PLCG2: variants seen among roughly 807,000 people sequenced by gnomAD.
PLCG2 encodes phospholipase C gamma 2.
PLCG2 carries 69 observed loss-of-function variants against 175.6 expected under a neutral mutation model. The observed-to-expected ratio is 0.39, with a 90% CI of 0.32 to 0.48. The LOEUF is 0.48. Ranked by LOEUF, PLCG2 falls within the 20% of genes least tolerant of loss-of-function variation. PLCG2 has a pLI of 0.91. For synonymous variants in PLCG2, 827 were observed against 624.0 expected (o/e 1.33, Z -4.85); for missense variants, 1,798 against 1,650.9 (o/e 1.09, Z -1.54).
chr16:81,800,371 C>T (rs905249956), intron 2 of PLCG2, among the ~76,000 whole-genome samples: 3 of 152,148 alleles, frequency 2.0e-5, no homozygotes, highest in Non-Finnish European at 4.4e-5. Context: ...CATCCTTACC[C>T]TGCTCCCCAA....
intron 7 of PLCG2, among the ~76,000 whole-genome samples, chr16:81,879,837 T>G (rs1479593228): frequency 2.6e-5 from 4 of 152,110 alleles, no homozygotes; most frequent in Non-Finnish European, 5.9e-5. Context: ...CCCCCCTTGG[T>G]GGAAGAGCCT....
intron 2 of PLCG2, among the ~76,000 whole-genome samples, chr16:81,768,358 G>A (rs1373194382): frequency 1.3e-5 from 2 of 152,144 alleles, no homozygotes; most frequent in Non-Finnish European, 2.9e-5. Context: ...TGAAACTACT[G>A]TAAACATTAG....
rs1220729817 is a variant in PLCG2 at position 81,903,310 on chromosome 16, G to T, written c.1363-2093G>T. On this transcript the variant is annotated intron_variant, in intron 14 of 32. Transcript: ENST00000564138. ...CTTATGTTCCAGGAAGTCGTGGTTTGGTAGGGAGACAAACCCGTCAACAGA... is the reference window on the plus strand; with the variant it reads ...CTTATGTTCCAGGAAGTCGTGGTTTTGTAGGGAGACAAACCCGTCAACAGA... Among the ~76,000 whole-genome samples, 3 of 152,242 alleles carry T rather than the reference G, an allele frequency of 2.0e-5. No individual in the cohort carries two copies. In the East Asian group the frequency reaches 5.8e-4, roughly 29 times the overall value.
At chr16:81,822,249 G>A (rs1904831293) in intron 2 of PLCG2, among the ~76,000 whole-genome samples, 1 of 152,150 alleles carries the variant, frequency 6.6e-6, no homozygotes, top group African/African-American at 2.4e-5. Flanking sequence ...CTCCTCCTCT[G>A]CAGATCAGTG....
chr16:81,954,407 C>T lies in PLCG2; in HGVS notation c.3571-2288C>T, dbSNP rs530310738. On this transcript the variant is annotated intron_variant, in intron 31 of 32. Coordinates refer to ENST00000564138, the MANE Select transcript of PLCG2 (RefSeq NM_002661.5). Reference sequence around the variant, plus strand: ...TAAGTTCCAGGATACAAGTGCAGGACGTGTAGGTTTGTTACATAGGTATAC... The same window carrying T: ...TAAGTTCCAGGATACAAGTGCAGGATGTGTAGGTTTGTTACATAGGTATAC... Among the ~76,000 whole-genome samples the T allele has an allele frequency of 8.5e-5, 13 of 152,248 alleles. No individual in the cohort carries two copies. In the South Asian group the frequency reaches 1.9e-3, roughly 22 times the overall value.
At chr16:81,918,015 G>T (rs1191145995) in intron 19 of PLCG2, among the ~76,000 whole-genome samples, 2 of 152,256 alleles carry the variant, frequency 1.3e-5, no homozygotes, top group Non-Finnish European at 2.9e-5. Context: ...GAGCCACCAC[G>T]CCCGGCCTTT....
In PLCG2 at chr16:81,900,593, C is replaced by T. The variant is rs1409913130; in HGVS notation, c.1194-19C>T. On this transcript the variant is annotated intron_variant, in intron 13 of 32. Coordinates refer to ENST00000564138, the MANE Select transcript of PLCG2 (RefSeq NM_002661.5). ...TGTGTGCTCCCCCTGCCGAGCTGCC[C>T]ACCCTCTTCTGCCTGCAGCTTCCCA... The T allele has an allele frequency of 2.5e-6, 4 of 1,578,836 alleles. No individual in the cohort carries two copies. Among genetic ancestry groups the T allele is most frequent in the East Asian group, 4.6e-5 (2 of 43,912 alleles).
chr16:81,894,101 C>T (rs1157606517), intron 12 of PLCG2, among the ~76,000 whole-genome samples: 1 of 151,838 alleles, frequency 6.6e-6, no homozygotes, highest in African/African-American at 2.4e-5. Context: ...TACCGCGTAT[C>T]ACCTGGATTG....
At chr16:81,880,873 C>T (rs770855062) in intron 7 of PLCG2, 37 bp from the exon 8 acceptor site, 1 of 1,608,930 alleles carries the variant, frequency 6.2e-7, no homozygotes, top group Non-Finnish European at 8.5e-7. Flanking sequence ...AGTGACTTGT[C>T]TAAGGTTCTT....
chr16:81,909,644 G>C lies in PLCG2; in HGVS notation c.1734-876G>C, dbSNP rs78891211. 4.3e-3 allele frequency among the ~76,000 whole-genome samples: 662 copies of C among 152,268 alleles called. 2 individuals carry two copies. Among genetic ancestry groups the C allele is most frequent in the African/African-American group, 0.015 (622 of 41,550 alleles). On this transcript the variant is annotated intron_variant, in intron 17 of 32. Coordinates refer to ENST00000564138, the MANE Select transcript of PLCG2 (RefSeq NM_002661.5). ...GTTGCCCAGGCTGGTTTTGAACTCA[G>C]CTCAAGCAATCCTCTGGCTTCGGCC...
At chr16:81,865,351 C>G (rs1179766092) in intron 5 of PLCG2, among the ~76,000 whole-genome samples, 1 of 151,934 alleles carries the variant, frequency 6.6e-6, no homozygotes, top group Non-Finnish European at 1.5e-5. Flanking sequence ...CTGTGCAGCA[C>G]GACACACACA....
intron 19 of PLCG2, among the ~76,000 whole-genome samples, chr16:81,917,349 A>G (rs28880295): frequency 0.046 from 6,988 of 151,668 alleles, 159 homozygotes; most frequent in African/African-American, 0.062. Flanking sequence ...GAATGGTGCT[A>G]TGAACATGGG....
At chr16:81,900,418 G>C (rs776613843) in intron 13 of PLCG2, among the ~76,000 whole-genome samples, 194 bp from the exon 14 acceptor site, 4 of 152,378 alleles carry the variant, frequency 2.6e-5, no homozygotes, top group South Asian at 2.1e-4. Flanking sequence ...GATCGCAGCT[G>C]TTCTGAGTCC....
chr16:81,873,814 G>T (rs1907636195), intron 7 of PLCG2, among the ~76,000 whole-genome samples: 1 of 152,144 alleles, frequency 6.6e-6, no homozygotes, highest in South Asian at 2.1e-4. Context: ...CACAAAAGCT[G>T]TTTCACCTGC....
At chr16:81,905,161 A>G (rs1420482440) in intron 14 of PLCG2, among the ~76,000 whole-genome samples, 1 of 152,374 alleles carries the variant, frequency 6.6e-6, no homozygotes, top group East Asian at 1.9e-4. Flanking sequence ...TGCTGGGCTT[A>G]TAGGTGTGAG....
intron 14 of PLCG2, among the ~76,000 whole-genome samples, chr16:81,905,175 C>G (rs1909311489): frequency 6.6e-6 from 1 of 152,260 alleles, no homozygotes; most frequent in Non-Finnish European, 1.5e-5. Context: ...GTGTGAGCCA[C>G]TGCGCCTGAC....
intron 22 of PLCG2, among the ~76,000 whole-genome samples, chr16:81,924,310 T>G (rs2143694508): frequency 6.6e-6 from 1 of 152,388 alleles, no homozygotes; most frequent in East Asian, 1.9e-4. Context: ...GACTGGCATT[T>G]CTGCCTCCCA....
chr16:81,918,413 G>A (rs952878715), intron 19 of PLCG2, among the ~76,000 whole-genome samples: 9 of 152,052 alleles, frequency 5.9e-5, no homozygotes, highest in African/African-American at 1.4e-4. Flanking sequence ...TTCTTCTTTC[G>A]AAATTGCTAT....
intron 18 of PLCG2, 49 bp downstream of exon 18, chr16:81,910,769 C>G (rs1567528754): frequency 1.3e-6 from 2 of 1,547,020 alleles, no homozygotes. Context: ...CGGGTTAGCT[C>G]CACCAGGCAG....
Sources: gnomAD v4.1 joint callset for allele counts (sites outside exome capture counted in the v4.1 genomes callset) on GRCh38, gnomAD v4.1.1 for gene constraint, MANE v1.5 for transcripts, NCBI Gene and HGNC (gene_info 2026-07-23, HGNC 2026-07-21) for gene names.